Variants in PALS1 observed in about 807,000 individuals in gnomAD.
PALS1 encodes protein PALS1.
Under a neutral mutation model 78.9 loss-of-function variants are expected in PALS1, and 31 were observed. The observed-to-expected ratio is 0.39, with a 90% CI of 0.30 to 0.53. The LOEUF is 0.53. Among genes scored for constraint, PALS1 ranks in the 20% least tolerant of loss-of-function variants. The pLI, the probability that PALS1 is intolerant of heterozygous loss-of-function variation, is 0.67. For missense variants in PALS1, 704 were observed against 826.5 expected, an observed-to-expected ratio of 0.85 and a Z score of 1.82; for synonymous variants, 276 against 270.9, an observed-to-expected ratio of 1.02 and a Z score of -0.18.
At chr14:67,321,344 G>A in intron 13 of PALS1, 85 bp downstream of exon 13, 1 of 1,262,536 alleles carries the variant, frequency 7.9e-7, no homozygotes, top group Non-Finnish European at 1.1e-6. Flanking sequence ...TTTGGTCCAA[G>A]AACAGCGCGA....
At chr14:67,281,350 C>T (rs1393326107) in intron 3 of PALS1, among the ~76,000 whole-genome samples, 1 of 152,050 alleles carries the variant, frequency 6.6e-6, no homozygotes, top group Non-Finnish European at 1.5e-5. Context: ...AAATTCCTGC[C>T]TTCAGACATT....
intron 1 of PALS1, among the ~76,000 whole-genome samples, chr14:67,256,761 GAGTA>G (rs1175749289): frequency 6.6e-6 from 1 of 151,476 alleles, no homozygotes; most frequent in Non-Finnish European, 1.5e-5. Flanking sequence ...AAATCTAATA[GAGTA>G]AGTAGGAGGA....
At chr14:67,310,167 CTG>C (rs1012830783) in intron 8 of PALS1, among the ~76,000 whole-genome samples, 1 of 151,896 alleles carries the variant, frequency 6.6e-6, no homozygotes, top group African/African-American at 2.4e-5. Flanking sequence ...AATCTCTTAA[CTG>C]TGTTTTGATT....
intron 4 of PALS1, among the ~76,000 whole-genome samples, chr14:67,293,535 C>T (rs1265226946): frequency 2.0e-5 from 3 of 151,882 alleles, no homozygotes; most frequent in South Asian, 2.1e-4. Flanking sequence ...ATAATTGTCC[C>T]CAAGGGAGAT....
chr14:67,312,870 T>C (rs1458273866), intron 9 of PALS1, among the ~76,000 whole-genome samples, 160 bp downstream of exon 9: 2 of 152,208 alleles, frequency 1.3e-5, no homozygotes, highest in Non-Finnish European at 2.9e-5. Context: ...AGCGTAAGTA[T>C]ATTAAATAGA....
chr14:67,268,354 C>A (rs1335158466), intron 1 of PALS1, among the ~76,000 whole-genome samples: 1 of 152,204 alleles, frequency 6.6e-6, no homozygotes, highest in Non-Finnish European at 1.5e-5. Flanking sequence ...GGGTCCCGAT[C>A]CAGATCCCAG....
intron 1 of PALS1, among the ~76,000 whole-genome samples, chr14:67,261,778 G>A (rs2140509367): frequency 6.6e-6 from 1 of 151,798 alleles, no homozygotes; most frequent in East Asian, 1.9e-4. Context: ...GTTTTTTTTA[G>A]GTACTTTGAG....
At chr14:67,306,162 G>T (rs1005770108) in intron 8 of PALS1, among the ~76,000 whole-genome samples, 3 of 152,032 alleles carry the variant, frequency 2.0e-5, no homozygotes, top group African/African-American at 7.2e-5. Context: ...CAGAGATGGG[G>T]TTTCACTATG....
chr14:67,284,455 T>G (rs111253290), intron 3 of PALS1, among the ~76,000 whole-genome samples: 6,128 of 107,802 alleles, frequency 0.057, 337 homozygotes, highest in African/African-American at 0.21. Context: ...CAGCTGGGCA[T>G]GGTGGTATGC....
At chr14:67,286,292 T>C (rs1160632970) in intron 3 of PALS1, among the ~76,000 whole-genome samples, 1 of 152,192 alleles carries the variant, frequency 6.6e-6, no homozygotes, top group East Asian at 1.9e-4. Flanking sequence ...TCTCTGTCCA[T>C]GTGGTTCCTT....
chr14:67,330,082 A>T (rs923022813), intron 14 of PALS1, among the ~76,000 whole-genome samples: 1 of 150,542 alleles, frequency 6.6e-6, no homozygotes, highest in South Asian at 2.1e-4. Context: ...ATGCCAGACA[A>T]ATGCTCTGCT....
intron 1 of PALS1, among the ~76,000 whole-genome samples, chr14:67,258,363 C>T (rs562419707): frequency 3.0e-4 from 45 of 152,220 alleles, no homozygotes; most frequent in African/African-American, 8.2e-4. Context: ...GGCGAAACCC[C>T]GTCTCTACCA....
chr14:67,245,903 A>C (rs2083979841), intron 1 of PALS1, among the ~76,000 whole-genome samples: 1 of 151,948 alleles, frequency 6.6e-6, no homozygotes. Context: ...TTTTATTTTT[A>C]GATCTATGTT....
rs200967232 is a variant in PALS1 at position 67,311,559 on chromosome 14, TA to T, written c.1042-963del. On this transcript the variant is annotated intron_variant, in intron 8 of 14. Transcript: ENST00000261681. ...TCACATGCAACTTGCCCAGGTTAGG[TA>T]AAAATTAGACATGGGGAAATTAAAG... Among the ~76,000 whole-genome samples, 127 of 152,252 alleles carry T rather than the reference TA, an allele frequency of 8.3e-4. 2 individuals are homozygous for T. The East Asian group carries it at 0.024, about 29-fold the overall frequency.
intron 1 of PALS1, among the ~76,000 whole-genome samples, chr14:67,257,214 G>C (rs1460050858): frequency 6.6e-6 from 1 of 152,124 alleles, no homozygotes; most frequent in Non-Finnish European, 1.5e-5. Context: ...CTGGCCCAGT[G>C]AATCTGCATT....
At chr14:67,315,223 A>G (rs1046112730) in intron 9 of PALS1, among the ~76,000 whole-genome samples, 2 of 152,060 alleles carry the variant, frequency 1.3e-5, no homozygotes, top group African/African-American at 4.8e-5. Context: ...TAAATGATTA[A>G]AATTACTTTG....
intron 14 of PALS1, among the ~76,000 whole-genome samples, chr14:67,324,295 A>G (rs1233775607): frequency 1.3e-5 from 2 of 152,216 alleles, no homozygotes; most frequent in Admixed American, 1.3e-4. Context: ...GAGGTAGTCC[A>G]TGTCATATTA....
Position 67,279,336 on chromosome 14 carries a change from T to C in PALS1, c.166T>C (p.Leu56=), listed in dbSNP as rs752981811. 7.4e-6 allele frequency: 12 copies of C among 1,612,062 alleles called. No individual in the cohort carries two copies. The highest frequency in any genetic ancestry group is 6.8e-6 in the Non-Finnish European group (8 of 1,179,658). The part of the protein sequence containing the change: ...RMMPIRRSAQ[L]ERIRQQQEDM... Reference sequence around the variant, plus strand: ...GATGCCAATACGTCGAAGTGCACAGTTGGAGCGTATTCGGCAACAACAGGA... The same window carrying C: ...GATGCCAATACGTCGAAGTGCACAGCTGGAGCGTATTCGGCAACAACAGGA... Residue 56 remains leucine (L), a synonymous_variant, in exon 3 of 15, where the codon TTG becomes CTG. Coordinates refer to ENST00000261681, the MANE Select transcript of PALS1 (RefSeq NM_022474.4).
intron 1 of PALS1, among the ~76,000 whole-genome samples, chr14:67,258,047 ATAGG>A (rs1243668116): frequency 6.6e-6 from 1 of 151,952 alleles, no homozygotes; most frequent in African/African-American, 2.4e-5. Flanking sequence ...ATGTTTGGCA[ATAGG>A]TAGGTGTGGT....
Sources: gnomAD v4.1 joint callset for allele counts (sites outside exome capture counted in the v4.1 genomes callset) on GRCh38, gnomAD v4.1.1 for gene constraint, MANE v1.5 for transcripts, NCBI Gene and HGNC (gene_info 2026-07-23, HGNC 2026-07-21) for gene names.